LYRM4: variants seen among roughly 807,000 people sequenced by gnomAD.
LYRM4 encodes LYR motif-containing protein 4.
Under a neutral mutation model 11.7 loss-of-function variants are expected in LYRM4, and 9 were observed. That is an observed-to-expected ratio of 0.77 (90% CI 0.46 to 1.34). The LOEUF (loss-of-function observed/expected upper bound fraction) is 1.34. Ranked by LOEUF, LYRM4 falls within the 40% of genes most tolerant of loss-of-function variation. The pLI, the probability that LYRM4 is intolerant of heterozygous loss-of-function variation, is 0.00. For synonymous variants in LYRM4, 42 were observed against 40.4 expected (o/e 1.04, Z -0.15); for missense variants, 133 against 112.5 (o/e 1.18, Z -0.82).
the LYRM4 span, among the ~76,000 whole-genome samples, chr6:5,080,119 A>C: frequency 2.0e-5 from 3 of 152,192 alleles, no homozygotes; most frequent in Admixed American, 6.5e-5. Flanking sequence ...GTATTCTATG[A>C]CATCTCATCT....
intron 2 of LYRM4, among the ~76,000 whole-genome samples, chr6:5,148,516 T>TGGGG (rs376153064): frequency 2.0e-5 from 3 of 152,238 alleles, no homozygotes; most frequent in African/African-American, 2.4e-5. Context: ...TGAGCTGGGC[T>TGGGG]GGGTATACGC....
At chr6:5,201,568 T>A (rs1229123487) in intron 2 of LYRM4, among the ~76,000 whole-genome samples, 3 of 152,118 alleles carry the variant, frequency 2.0e-5, no homozygotes, top group African/African-American at 7.2e-5. Flanking sequence ...CTAATCTGTT[T>A]GTTGCTCCAG....
intron 2 of LYRM4, chr6:5,132,974 G>T (rs1179721954): frequency 6.6e-6 from 1 of 152,228 alleles, no homozygotes; most frequent in Admixed American, 6.5e-5. Context: ...AGATTCTACG[G>T]GTATGACGGC....
intron 2 of LYRM4, among the ~76,000 whole-genome samples, chr6:5,153,082 A>T (rs897127604): frequency 2.0e-5 from 3 of 151,934 alleles, no homozygotes; most frequent in Non-Finnish European, 2.9e-5. Context: ...TTTCTGTTGA[A>T]CCATTGGTAA....
chr6:5,071,540 A>ATG, the LYRM4 span, among the ~76,000 whole-genome samples: 1 of 150,632 alleles, frequency 6.6e-6, no homozygotes, highest in African/African-American at 2.5e-5. Context: ...CTTTATATAT[A>ATG]TATGTGTGTG....
At chr6:5,062,933 G>A in the LYRM4 span, among the ~76,000 whole-genome samples, 4 of 152,150 alleles carry the variant, frequency 2.6e-5, no homozygotes, top group African/African-American at 9.7e-5. Flanking sequence ...CACTGGCAAG[G>A]GCCCTTGGAA....
intron 1 of LYRM4, among the ~76,000 whole-genome samples, chr6:5,238,548 T>C (rs1763683537): frequency 6.6e-6 from 1 of 152,256 alleles, no homozygotes; most frequent in African/African-American, 2.4e-5. Context: ...TCCAGGGGCC[T>C]TGTAAATAAC....
At chr6:5,179,360 T>C (rs1759939258) in intron 2 of LYRM4, among the ~76,000 whole-genome samples, 1 of 152,170 alleles carries the variant, frequency 6.6e-6, no homozygotes, top group Non-Finnish European at 1.5e-5. Flanking sequence ...AAAGTTTTTT[T>C]ATCTTCCAAA....
intron 1 of LYRM4, among the ~76,000 whole-genome samples, chr6:5,230,337 G>T (rs1379845046): frequency 2.0e-5 from 3 of 152,108 alleles, no homozygotes; most frequent in Non-Finnish European, 4.4e-5. Context: ...TATGAAACTG[G>T]TCATATTTCT....
At chr6:5,175,498 G>A (rs1300209129) in intron 2 of LYRM4, among the ~76,000 whole-genome samples, 1 of 152,108 alleles carries the variant, frequency 6.6e-6, no homozygotes, top group African/African-American at 2.4e-5. Flanking sequence ...ACTGGATTGA[G>A]GAAGGGATGG....
At chr6:5,234,330 T>C (rs897136285) in intron 1 of LYRM4, among the ~76,000 whole-genome samples, 1 of 152,234 alleles carries the variant, frequency 6.6e-6, no homozygotes, top group Non-Finnish European at 1.5e-5. Flanking sequence ...CAATGGCAAG[T>C]GGCCTTCACG....
chr6:5,116,891 A>G (rs2127597725), intron 2 of LYRM4, among the ~76,000 whole-genome samples: 1 of 152,286 alleles, frequency 6.6e-6, no homozygotes, highest in East Asian at 1.9e-4. Flanking sequence ...TCAGGTCTTC[A>G]CCGCTTCCTC....
At chr6:5,216,559 G>A in intron 2 of LYRM4, 59 bp downstream of exon 2, 1 of 1,602,352 alleles carries the variant, frequency 6.2e-7, no homozygotes, top group East Asian at 2.2e-5. Flanking sequence ...CTAATCAAGG[G>A]GAATATGTCG....
intron 1 of LYRM4, among the ~76,000 whole-genome samples, chr6:5,253,122 C>T (rs1764510191): frequency 6.6e-6 from 1 of 152,178 alleles, no homozygotes; most frequent in South Asian, 2.1e-4. Context: ...TTGCACAATG[C>T]TTAGTGTATA....
chr6:5,144,840 A>C (rs1289617473), intron 2 of LYRM4, among the ~76,000 whole-genome samples: 3 of 152,022 alleles, frequency 2.0e-5, no homozygotes, highest in Non-Finnish European at 4.4e-5. Context: ...CCCTTCCCGC[A>C]GGTGTTTCTG....
chr6:5,101,293 C>T (rs373658579), downstream of LYRM4, among the ~76,000 whole-genome samples: 5 of 152,330 alleles, frequency 3.3e-5, no homozygotes, highest in South Asian at 2.1e-4. Flanking sequence ...CAACGCAAAA[C>T]GTTCTGTGAT....
the LYRM4 span, among the ~76,000 whole-genome samples, chr6:5,079,830 T>C: frequency 5.3e-5 from 8 of 152,224 alleles, no homozygotes; most frequent in African/African-American, 1.9e-4. Context: ...TTAAACACCA[T>C]TTGTCCTATC....
chr6:5,183,993 T>C (rs1760230878), intron 2 of LYRM4, among the ~76,000 whole-genome samples: 1 of 152,210 alleles, frequency 6.6e-6, no homozygotes. Context: ...AATGTACACA[T>C]CTAACAAAAC....
Position 5,167,861 on chromosome 6 carries a change from T to C in LYRM4, c.207+48757A>G, listed in dbSNP as rs542254301. On this transcript the variant is annotated intron_variant, in intron 2 of 2. Transcript: ENST00000330636. The stretch of plus-strand genomic sequence containing the variant: ...TTGCTAATTTGAAATACTCAGCTTC[T>C]GATATAACTATGGATAGAAAATAAC... Among the ~76,000 whole-genome samples the C allele has an allele frequency of 2.6e-5, 4 of 152,248 alleles. No homozygotes were observed. The South Asian group carries it at 8.3e-4, about 32-fold the overall frequency.
Sources: allele counts gnomAD v4.1 joint callset (sites outside exome capture counted in the v4.1 genomes callset), GRCh38; gene constraint gnomAD v4.1.1; transcripts MANE v1.5; gene names NCBI Gene and HGNC (gene_info 2026-07-23, HGNC 2026-07-21).